The following PPP3CA variants were observed in gnomAD, a reference collection of about 807,000 sequenced individuals.
PPP3CA encodes the protein CAM-PRP catalytic subunit.
In PPP3CA, 14 loss-of-function variants were observed where a neutral mutation model predicts 66.5. That is an observed-to-expected ratio of 0.21 (90% CI 0.14 to 0.33). The LOEUF is 0.33. PPP3CA is among the 10% of genes least tolerant of loss of function. The probability of loss-of-function intolerance (pLI) is 1.00; values close to 1 mark genes in which losing one functional copy is unlikely to be tolerated. For missense variants in PPP3CA, 317 were observed against 639.5 expected, an observed-to-expected ratio of 0.50 and a Z score of 5.44; for synonymous variants, 232 against 226.2, an observed-to-expected ratio of 1.03 and a Z score of -0.23.
At chr4:101,280,534 A>C (rs538853111) in intron 1 of PPP3CA, among the ~76,000 whole-genome samples, 1 of 152,206 alleles carries the variant, frequency 6.6e-6, no homozygotes, top group East Asian at 1.9e-4. Flanking sequence ...AAAAACTGGA[A>C]ACGGACCAGG....
In PPP3CA at chr4:101,038,725, T is replaced by C. The variant is rs1452375869; in HGVS notation, c.1241+1757A>G. ...CTGGCTGGCATTCCAATTTGGTATC[T>C]AGATTGCCTAATTCAGTGCATGGTA... On this transcript the variant is annotated intron_variant, in intron 11 of 13. Coordinates refer to ENST00000394854, the MANE Select transcript of PPP3CA (RefSeq NM_000944.5). 5.9e-5 allele frequency among the ~76,000 whole-genome samples: 9 copies of C among 152,338 alleles called. No individual in the cohort carries two copies. The East Asian group carries it at 1.2e-3, about 20-fold the overall frequency.
Position 101,151,527 on chromosome 4 carries a change from C to CCGAA in PPP3CA, c.260-42450_260-42449insTTCG, listed in dbSNP as rs1304598325. On this transcript the variant is annotated intron_variant, in intron 2 of 13. Transcript: ENST00000394854. ...TGAGCTGAGATTGCACCACTGCACT[C>CCGAA]CAACATGGGTCACAAAGCAAGACTC... 2.7e-5 allele frequency among the ~76,000 whole-genome samples: 4 copies of CCGAA among 147,244 alleles called. No individual in the cohort carries two copies. The East Asian group carries it at 8.1e-4, about 30-fold the overall frequency.
At chr4:101,254,041 A>C (rs1392580496) in intron 1 of PPP3CA, among the ~76,000 whole-genome samples, 1 of 152,044 alleles carries the variant, frequency 6.6e-6, no homozygotes, top group Non-Finnish European at 1.5e-5. Context: ...TGTTATACTC[A>C]TGTCAGGTAA....
chr4:101,054,436 T>C (rs1728139296), intron 10 of PPP3CA, among the ~76,000 whole-genome samples: 1 of 152,128 alleles, frequency 6.6e-6, no homozygotes, highest in Non-Finnish European at 1.5e-5. Context: ...AATTCCTTTA[T>C]GCTTGGGGTG....
intron 1 of PPP3CA, among the ~76,000 whole-genome samples, chr4:101,212,496 A>C (rs973351377): frequency 2.0e-5 from 3 of 152,122 alleles, no homozygotes; most frequent in African/African-American, 7.2e-5. Context: ...CATCAGGTAG[A>C]ATAGCTAATG....
chr4:101,208,021 T>C (rs190223560), intron 1 of PPP3CA, among the ~76,000 whole-genome samples: 7 of 152,286 alleles, frequency 4.6e-5, no homozygotes, highest in Admixed American at 1.3e-4. Context: ...TGATGGGCAG[T>C]CATTTAGGCA....
chr4:101,304,659 A>G (rs1328822594), intron 1 of PPP3CA, among the ~76,000 whole-genome samples: 1 of 152,232 alleles, frequency 6.6e-6, no homozygotes, highest in Non-Finnish European at 1.5e-5. Flanking sequence ...ACATTCAAAA[A>G]TGAATAAAAA....
chr4:101,341,170 T>C (rs1322259350), intron 1 of PPP3CA, among the ~76,000 whole-genome samples: 1 of 150,944 alleles, frequency 6.6e-6, no homozygotes, highest in Non-Finnish European at 1.5e-5. Context: ...ATATCTTAAA[T>C]ATACCAAAAG....
chr4:101,095,089 GA>G (rs1309570494), intron 5 of PPP3CA, among the ~76,000 whole-genome samples: 1 of 151,582 alleles, frequency 6.6e-6, no homozygotes. Context: ...AATACCCAAT[GA>G]AAAACTTCAA....
intron 1 of PPP3CA, among the ~76,000 whole-genome samples, chr4:101,198,104 T>A (rs1233987179): frequency 6.6e-6 from 1 of 151,982 alleles, no homozygotes; most frequent in Non-Finnish European, 1.5e-5. Context: ...TGCCAAAGAA[T>A]AGTAAGTAAT....
intron 1 of PPP3CA, among the ~76,000 whole-genome samples, chr4:101,210,189 A>T (rs1725258223): frequency 6.6e-6 from 1 of 152,162 alleles, no homozygotes; most frequent in Non-Finnish European, 1.5e-5. Flanking sequence ...CTGGATTATT[A>T]TGATAATGAC....
chr4:101,124,411 C>A (rs1722129827), intron 2 of PPP3CA, among the ~76,000 whole-genome samples: 1 of 151,850 alleles, frequency 6.6e-6, no homozygotes, highest in Non-Finnish European at 1.5e-5. Context: ...AGCTGAGGTT[C>A]CTAGGAGTTC....
intron 1 of PPP3CA, among the ~76,000 whole-genome samples, chr4:101,273,955 T>C (rs2110269439): frequency 6.6e-6 from 1 of 151,866 alleles, no homozygotes; most frequent in African/African-American, 2.4e-5. Context: ...AACTAACAGC[T>C]GAAAAAAAAT....
rs927386656 is a variant in PPP3CA at position 101,061,083 on chromosome 4, T to C, written c.1156+4A>G. ...GCATTAGCACAAAGGCTCAAGCCTCTTACCATCAAATCCATCTTCTTCTGA... is the reference window on the plus strand; with the variant it reads ...GCATTAGCACAAAGGCTCAAGCCTCCTACCATCAAATCCATCTTCTTCTGA... On this transcript the variant is annotated splice_donor_region_variant and intron_variant, in intron 10 of 13. Transcript: ENST00000394854. 27 of 1,609,082 alleles carry C rather than the reference T, an allele frequency of 1.7e-5. No homozygotes were observed. The highest frequency in any genetic ancestry group is 1.7e-5 in the Non-Finnish European group (20 of 1,175,996).
At position 101,212,759 on chromosome 4, in the gene PPP3CA, T is replaced by C. The variant is rs184296547; in HGVS notation, c.59-16643A>G. ...TTTAGTGGAAGGCTCAAAGCAGCAA[T>C]TAAACTACTGGGCTTTTCCAAGAAC... On this transcript the variant is annotated intron_variant, in intron 1 of 13. Coordinates refer to ENST00000394854, the MANE Select transcript of PPP3CA (RefSeq NM_000944.5). 3.2e-3 allele frequency among the ~76,000 whole-genome samples: 489 copies of C among 150,760 alleles called. 4 individuals carry two copies. The highest frequency in any genetic ancestry group is 0.021 in the Middle Eastern group (6 of 288).
At chr4:101,179,100 T>C (rs1724156013) in intron 2 of PPP3CA, among the ~76,000 whole-genome samples, 1 of 152,084 alleles carries the variant, frequency 6.6e-6, no homozygotes, top group Admixed American at 6.6e-5. Context: ...TTTTCTTCTC[T>C]TTCTTGAACT....
chr4:101,204,506 G>A (rs1725068268), intron 1 of PPP3CA, among the ~76,000 whole-genome samples: 1 of 151,760 alleles, frequency 6.6e-6, no homozygotes, highest in Admixed American at 6.6e-5. Context: ...CGTGGTGGCA[G>A]GCGCCTGTAG....
chr4:101,202,449 A>G (rs1002675128), intron 1 of PPP3CA, among the ~76,000 whole-genome samples: 4 of 152,184 alleles, frequency 2.6e-5, no homozygotes, highest in Non-Finnish European at 5.9e-5. Flanking sequence ...CCTAGATTAA[A>G]AAAAAGTATA....
chr4:101,232,410 T>C (rs1231774164), intron 1 of PPP3CA, among the ~76,000 whole-genome samples: 2 of 151,734 alleles, frequency 1.3e-5, no homozygotes, highest in East Asian at 3.9e-4. Context: ...TGGGCAAAGT[T>C]GGAATTATTT....
Sources: gnomAD v4.1 joint callset for allele counts (sites outside exome capture counted in the v4.1 genomes callset) on GRCh38, gnomAD v4.1.1 for gene constraint, MANE v1.5 for transcripts, NCBI Gene and HGNC (gene_info 2026-07-23, HGNC 2026-07-21) for gene names.